RBFOX1: variants seen among roughly 807,000 people sequenced by gnomAD.
The protein encoded by RBFOX1 is RNA binding protein fox-1 homolog 1.
RBFOX1 carries 8 observed loss-of-function variants against 57.7 expected under a neutral mutation model. The observed-to-expected ratio is 0.14, with a 90% confidence interval of 0.08 to 0.25. The LOEUF (loss-of-function observed/expected upper bound fraction) is 0.25, where lower values mean the gene tolerates loss of function less well. RBFOX1 is among the 10% of genes least tolerant of loss of function. RBFOX1 has a pLI of 1.00. For synonymous variants in RBFOX1, 326 were observed against 222.4 expected, an observed-to-expected ratio of 1.47 and a Z score of -4.15; for missense variants, 611 against 548.5, an observed-to-expected ratio of 1.11 and a Z score of -1.14.
intron 1 of RBFOX1, among the ~76,000 whole-genome samples, chr16:6,175,873 C>G (rs948911971): frequency 6.6e-6 from 1 of 152,104 alleles, no homozygotes; most frequent in Admixed American, 6.5e-5. Flanking sequence ...AGAGGAGAGC[C>G]TGAGGCAGAG....
At chr16:7,638,856 C>T (rs2062244354) in intron 11 of RBFOX1, among the ~76,000 whole-genome samples, 2 of 152,050 alleles carry the variant, frequency 1.3e-5, no homozygotes, top group South Asian at 4.2e-4. Flanking sequence ...CTTTGTCAGG[C>T]CGTAATTCTT....
At chr16:5,458,483 A>G (rs2068696317) in intron 1 of RBFOX1, among the ~76,000 whole-genome samples, 1 of 152,174 alleles carries the variant, frequency 6.6e-6, no homozygotes, top group South Asian at 2.1e-4. Context: ...ATTTACATGG[A>G]TTATCTCATT....
At chr16:5,941,808 T>C (rs916469097) in intron 4 of RBFOX1, among the ~76,000 whole-genome samples, 6 of 152,040 alleles carry the variant, frequency 3.9e-5, no homozygotes, top group Admixed American at 1.3e-4. Flanking sequence ...CAAGTATGTC[T>C]TGCTCCGTGC....
intron 4 of RBFOX1, among the ~76,000 whole-genome samples, chr16:7,146,631 C>T (rs997032551): frequency 6.6e-6 from 1 of 152,064 alleles, no homozygotes; most frequent in African/African-American, 2.4e-5. Flanking sequence ...ACTCCAGAAA[C>T]TCAGAACCCA....
Position 7,353,123 on chromosome 16 carries a change from A to G in RBFOX1, c.28-165024A>G, listed in dbSNP as rs928974909. Among the ~76,000 whole-genome samples, 5 of 152,188 alleles carry G rather than the reference A, an allele frequency of 3.3e-5. No individual in the cohort carries two copies. In the South Asian group the frequency reaches 8.3e-4, roughly 25 times the overall value. On this transcript the variant is annotated intron_variant, in intron 4 of 15. Coordinates refer to ENST00000550418, the MANE Select transcript of RBFOX1 (RefSeq NM_018723.4). ...GTTGTCTAAAGTTTTTAGCACCACT[A>G]CTACTGTATAGCTAATATTTTCTTT...
intron 1 of RBFOX1, among the ~76,000 whole-genome samples, chr16:6,148,183 C>T (rs956839289): frequency 5.9e-5 from 9 of 152,108 alleles, no homozygotes; most frequent in South Asian, 2.1e-4. Context: ...AGAAATTAGC[C>T]GAGTGTGGTG....
chr16:7,636,833 G>C (rs931567109), intron 11 of RBFOX1, among the ~76,000 whole-genome samples: 1 of 131,748 alleles, frequency 7.6e-6, no homozygotes, highest in Admixed American at 7.6e-5. Flanking sequence ...GAGAGACAGA[G>C]ACAGAGAGAA....
chr16:5,525,491 ATTTTTTT>A (rs71404528), intron 2 of RBFOX1, among the ~76,000 whole-genome samples: 6 of 78,272 alleles, frequency 7.7e-5, no homozygotes, highest in African/African-American at 1.1e-4. Flanking sequence ...AGCCGACACT[ATTTTTTT>A]TTTTTTTTTT....
intron 3 of RBFOX1, among the ~76,000 whole-genome samples, chr16:6,965,961 G>A (rs1464258902): frequency 6.6e-6 from 1 of 152,150 alleles, no homozygotes. Context: ...GTTTTTAATG[G>A]ATTCACTTAG....
At chr16:5,669,423 T>C (rs1337691983) in intron 3 of RBFOX1, among the ~76,000 whole-genome samples, 1 of 7,614 alleles carries the variant, frequency 1.3e-4, no homozygotes, top group Non-Finnish European at 5.1e-4. Context: ...ACAAGTTGGC[T>C]TTTTTTTTTT....
Position 7,391,220 on chromosome 16 carries a change from C to T in RBFOX1, c.28-126927C>T, listed in dbSNP as rs1359647230. Reference sequence around the variant, plus strand: ...CTCCGTCCCACCTTGGTGTTAATCCCATGGGGTGGATTTTCTAGGCCAGTC... The same window carrying T: ...CTCCGTCCCACCTTGGTGTTAATCCTATGGGGTGGATTTTCTAGGCCAGTC... On this transcript the variant is annotated intron_variant, in intron 4 of 15. Transcript: ENST00000550418. Among the ~76,000 whole-genome samples the T allele has an allele frequency of 3.3e-5, 5 of 152,198 alleles. No homozygotes were observed. In the South Asian group the frequency reaches 1.0e-3, roughly 32 times the overall value.
chr16:7,354,625 A>G (rs879332278), intron 4 of RBFOX1, among the ~76,000 whole-genome samples: 2 of 152,178 alleles, frequency 1.3e-5, no homozygotes, highest in South Asian at 4.1e-4. Flanking sequence ...ACCGTGCCCA[A>G]TTTTTGTTAG....
chr16:6,525,783 A>G (rs1004236485), intron 2 of RBFOX1, among the ~76,000 whole-genome samples: 3 of 152,184 alleles, frequency 2.0e-5, no homozygotes, highest in Admixed American at 1.3e-4. Context: ...TTATAGGGTC[A>G]TGAATCCCAT....
At chr16:5,855,069 A>G (rs917174470) in intron 3 of RBFOX1, among the ~76,000 whole-genome samples, 5 of 152,036 alleles carry the variant, frequency 3.3e-5, no homozygotes, top group Non-Finnish European at 7.4e-5. Flanking sequence ...TTGTAATTGT[A>G]TGTGTGTTTT....
At chr16:7,186,233 C>T (rs2083728685) in intron 4 of RBFOX1, among the ~76,000 whole-genome samples, 1 of 126,252 alleles carries the variant, frequency 7.9e-6, no homozygotes, top group Non-Finnish European at 1.6e-5. Flanking sequence ...TAAACATAAA[C>T]ATATTTATAT....
intron 3 of RBFOX1, among the ~76,000 whole-genome samples, chr16:7,007,241 C>A (rs2093355562): frequency 6.6e-6 from 1 of 152,160 alleles, no homozygotes; most frequent in South Asian, 2.1e-4. Flanking sequence ...CTCTTAGATC[C>A]TGGGAGCTTT....
intron 1 of RBFOX1, among the ~76,000 whole-genome samples, chr16:5,419,296 C>T (rs1416371414): frequency 6.6e-6 from 1 of 152,136 alleles, no homozygotes; most frequent in African/African-American, 2.4e-5. Context: ...GCAAGGAAGC[C>T]AGTCTGAGTC....
intron 1 of RBFOX1, among the ~76,000 whole-genome samples, chr16:6,218,794 G>A (rs1373770596): frequency 1.3e-5 from 2 of 151,468 alleles, no homozygotes; most frequent in Non-Finnish European, 2.9e-5. Context: ...TGCTAAATCC[G>A]AAGTCGGAAT....
chr16:7,537,987 G>A (rs894373299), intron 5 of RBFOX1, among the ~76,000 whole-genome samples: 1 of 152,196 alleles, frequency 6.6e-6, no homozygotes, highest in South Asian at 2.1e-4. Context: ...CCTACTGTGT[G>A]CCAGGTTCTT....
Sources: allele counts gnomAD v4.1 joint callset (sites outside exome capture counted in the v4.1 genomes callset), GRCh38; gene constraint gnomAD v4.1.1; transcripts MANE v1.5; gene names NCBI Gene and HGNC (gene_info 2026-07-23, HGNC 2026-07-21).